The following NIPBL variants were observed in gnomAD, a reference collection of about 807,000 sequenced individuals.
NIPBL encodes NIPBL cohesin loading factor.
A neutral mutation model predicts 321.8 loss-of-function variants in NIPBL; 19 were observed. The ratio of observed to expected loss-of-function variants is 0.06; its 90% CI spans 0.04 to 0.09. The LOEUF is 0.09. Among genes scored for constraint, NIPBL ranks in the 10% least tolerant of loss-of-function variants. The pLI is 1.00. For synonymous variants in NIPBL, 1,106 were observed against 1,114.1 expected (o/e 0.99, Z 0.14); for missense variants, 2,210 against 3,327.0 (o/e 0.66, Z 8.26).
intron 16 of NIPBL, among the ~76,000 whole-genome samples, chr5:37,005,045 G>A (rs1044664292): frequency 6.6e-6 from 1 of 152,076 alleles, no homozygotes; most frequent in Non-Finnish European, 1.5e-5. Context: ...ACACAAATTC[G>A]TAAACTTTCT....
intron 29 of NIPBL, among the ~76,000 whole-genome samples, chr5:37,023,815 G>A (rs577157265): frequency 2.2e-5 from 3 of 134,326 alleles, no homozygotes; most frequent in East Asian, 2.1e-4. Flanking sequence ...AGGCCTGATC[G>A]GTTTTGTTAT....
At chr5:36,980,981 G>C (rs745588605) in intron 9 of NIPBL, among the ~76,000 whole-genome samples, 1 of 151,666 alleles carries the variant, frequency 6.6e-6, no homozygotes, top group East Asian at 1.9e-4. Flanking sequence ...AAATTCTTCT[G>C]AAGTGGTGGT....
intron 21 of NIPBL, among the ~76,000 whole-genome samples, chr5:37,013,034 C>CG (rs1748364773): frequency 6.9e-6 from 1 of 145,740 alleles, no homozygotes; most frequent in African/African-American, 2.6e-5. Context: ...ACCTCCCGGA[C>CG]GGGGGGCTGA....
chr5:36,939,822 C>T (rs1738866943), intron 1 of NIPBL, among the ~76,000 whole-genome samples: 1 of 152,134 alleles, frequency 6.6e-6, no homozygotes, highest in South Asian at 2.1e-4. Flanking sequence ...CAGGAACCCA[C>T]TCCTGAGACA....
At chr5:37,062,687 A>ATG (rs1754866419) in intron 45 of NIPBL, among the ~76,000 whole-genome samples, 1 of 152,202 alleles carries the variant, frequency 6.6e-6, no homozygotes, top group Admixed American at 6.5e-5. Context: ...TGGGAGGCCT[A>ATG]TGTAGGAGGT....
chr5:36,946,819 G>A (rs1229185164), intron 1 of NIPBL, among the ~76,000 whole-genome samples: 1 of 152,090 alleles, frequency 6.6e-6, no homozygotes, highest in Non-Finnish European at 1.5e-5. Flanking sequence ...CTAGCTCAGA[G>A]ACCTTGAACA....
intron 1 of NIPBL, among the ~76,000 whole-genome samples, chr5:36,897,505 C>T (rs1746846874): frequency 4.6e-5 from 7 of 152,088 alleles, no homozygotes; most frequent in Admixed American, 4.6e-4. Context: ...TAATACATGT[C>T]AACAGTGTTA....
chr5:37,059,192 A>C, intron 44 of NIPBL, 27 bp downstream of exon 44: 1 of 1,611,040 alleles, frequency 6.2e-7, no homozygotes, highest in South Asian at 1.1e-5. Flanking sequence ...AGTGAGAGAA[A>C]AAACTTCACT....
intron 1 of NIPBL, among the ~76,000 whole-genome samples, chr5:36,940,862 A>G (rs1359804778): frequency 1.3e-5 from 2 of 152,178 alleles, no homozygotes; most frequent in Non-Finnish European, 2.9e-5. Context: ...GTTAAGCACT[A>G]TGTTAGTATC....
At chr5:36,977,964 C>A (rs1743687943) in intron 9 of NIPBL, among the ~76,000 whole-genome samples, 1 of 151,836 alleles carries the variant, frequency 6.6e-6, no homozygotes, top group Admixed American at 6.6e-5. Flanking sequence ...TGATTGTGTA[C>A]CACGGTGTAT....
chr5:37,065,445 G>T lies in NIPBL; in HGVS notation c.*553G>T, dbSNP rs1414692920. ...ACCCTGAAAACAATACAAGAAAAGG[G>T]ATCCCCAGGTAATCTGGTGGAGCGA... On this transcript the variant is annotated 3_prime_UTR_variant, in exon 47 of 47. Transcript: ENST00000282516. The T allele has an allele frequency of 6.6e-6, 1 of 152,580 alleles. No homozygotes were observed. The highest frequency in any genetic ancestry group is 1.5e-5 in the Non-Finnish European group (1 of 68,140). 9.5% of individuals were successfully genotyped at this position (152,580 alleles called of 1,614,324 possible).
intron 34 of NIPBL, among the ~76,000 whole-genome samples, chr5:37,041,617 C>T (rs781019954): frequency 2.0e-5 from 3 of 149,930 alleles, no homozygotes; most frequent in Non-Finnish European, 4.4e-5. Context: ...GGCTGGAGTA[C>T]AGTCCTGCAC....
rs935671276 is a variant in NIPBL, at chr5:37,020,465, C to T, written c.5017C>T (p.Arg1673Cys). ...CTGTCTAATTTCTTTCCAGTTTTCT[C>T]GTAAATTCTATATAGCCCAGTGGTT... ...TETDPSLVFSRKFYIAQWFRD... is the reference protein window; with the variant it reads ...TETDPSLVFSCKFYIAQWFRD... Residue 1673 changes from arginine (R) to cysteine (C), a missense_variant, in exon 26 of 47, where the codon CGT becomes TGT. Coordinates refer to ENST00000282516, the MANE Select transcript of NIPBL (RefSeq NM_133433.4). 1.9e-6 allele frequency: 3 copies of T among 1,609,824 alleles called. No homozygotes were observed. The highest frequency in any genetic ancestry group is 1.1e-5 in the South Asian group (1 of 90,922).
At chr5:37,032,386 C>CGTGTGTGTGTGTGTGTGTGTGTGT (rs58831894) in intron 32 of NIPBL, among the ~76,000 whole-genome samples, 3 of 123,518 alleles carry the variant, frequency 2.4e-5, no homozygotes, top group Non-Finnish European at 5.1e-5. Flanking sequence ...TACATGTATA[C>CGTGTGTGTGTGTGTGTGTGTGTGT]GTGTGTGTGT....
At chr5:37,056,663 A>AT (rs1218361702) in intron 42 of NIPBL, among the ~76,000 whole-genome samples, 3 of 152,146 alleles carry the variant, frequency 2.0e-5, no homozygotes, top group African/African-American at 7.2e-5. Flanking sequence ...TATTAGTACT[A>AT]TAATTACTAG....
chr5:36,985,331 G>C lies in NIPBL; in HGVS notation c.2151G>C (p.Lys717Asn). 1 of 1,613,576 alleles carries C rather than the reference G, an allele frequency of 6.2e-7. No homozygotes were observed. Among genetic ancestry groups the C allele is most frequent in the East Asian group, 2.2e-5 (1 of 44,866 alleles). The change falls in exon 10 of 47, where the codon AAG (lysine) becomes AAC (asparagine). Residue 717 changes from lysine (K) to asparagine (N), a missense_variant. By Grantham distance (94) the Lys-to-Asn change is moderately conservative. Transcript: ENST00000282516. ...GESRPETPKQ[K>N]SDGHPETPKQ... ...GCCGGCCTGAGACTCCAAAACAAAA[G>C]AGTGATGGGCATCCTGAAACCCCAA...
At chr5:36,919,813 A>G (rs2149556589) in intron 1 of NIPBL, among the ~76,000 whole-genome samples, 1 of 152,328 alleles carries the variant, frequency 6.6e-6, no homozygotes, top group South Asian at 2.1e-4. Context: ...TCACAGGATT[A>G]GAATTTAAAT....
rs1260413097 is a variant in NIPBL at position 36,970,981 on chromosome 5, C to T, written c.716C>T (p.Pro239Leu). The T allele has an allele frequency of 6.2e-7, 1 of 1,613,560 alleles. No individual in the cohort carries two copies. Among genetic ancestry groups the T allele is most frequent in the South Asian group, 1.1e-5 (1 of 91,064 alleles). Residue 239 changes from proline to leucine, a missense_variant, in exon 7 of 47, where the codon CCT becomes CTT. By Grantham distance (98) the Pro-to-Leu change is moderately conservative (BLOSUM62 -3). Transcript: ENST00000282516. ...TCAGCTAATCATCATGCTGATAATC[C>T]TAGACATGGTTCAAGTGAGGACTAC... ...GNSANHHADN[P>L]RHGSSEDYLH...
intron 23 of NIPBL, 119 bp from the exon 24 acceptor site, chr5:37,016,900 G>T: frequency 1.3e-6 from 1 of 777,332 alleles, no homozygotes; most frequent in South Asian, 2.5e-5. Flanking sequence ...CAATATCACA[G>T]GAAAAAAAAA....
Sources: allele counts gnomAD v4.1 joint callset (sites outside exome capture counted in the v4.1 genomes callset), GRCh38; gene constraint gnomAD v4.1.1; transcripts MANE v1.5; gene names NCBI Gene and HGNC (gene_info 2026-07-23, HGNC 2026-07-21).